The following AGPAT5 variants were observed in gnomAD, a reference collection of about 807,000 sequenced individuals.
AGPAT5 encodes 1-acyl-sn-glycerol-3-phosphate acyltransferase epsilon.
Under a neutral mutation model 45.6 loss-of-function variants are expected in AGPAT5, and 46 were observed. The observed-to-expected ratio is 1.01, with a 90% confidence interval of 0.80 to 1.29. The LOEUF (loss-of-function observed/expected upper bound fraction) is 1.29. Among genes scored for constraint, AGPAT5 ranks in the 50% most tolerant of loss-of-function variants. The pLI is 0.00. For synonymous variants in AGPAT5, 272 were observed against 167.0 expected (o/e 1.63, Z -4.85); for missense variants, 673 against 450.7 (o/e 1.49, Z -4.47).
chr8:6,723,738 T>A (rs1212206967), intron 1 of AGPAT5, among the ~76,000 whole-genome samples: 3 of 152,218 alleles, frequency 2.0e-5, no homozygotes, highest in African/African-American at 7.2e-5. Flanking sequence ...CTGTGCAGTT[T>A]CTAAGGAAAG....
At chr8:6,743,113 C>A (rs1801291042) in intron 5 of AGPAT5, among the ~76,000 whole-genome samples, 1 of 152,184 alleles carries the variant, frequency 6.6e-6, no homozygotes, top group African/African-American at 2.4e-5. Context: ...GGGCTGTTCT[C>A]CATTATCCTC....
intron 3 of AGPAT5, among the ~76,000 whole-genome samples, chr8:6,731,767 A>G (rs765813959): frequency 2.1e-4 from 32 of 152,160 alleles, no homozygotes; most frequent in Admixed American, 5.9e-4. Flanking sequence ...AGCAAACTGT[A>G]TATATAAAAC....
At position 6,740,014 on chromosome 8, in the gene AGPAT5, C is replaced by T. The variant is rs115220964; in HGVS notation, c.496-1647C>T. ...TAATGTATTTCTTTTCCTCACTTGT[C>T]CATGAAGGGAAGGACCATATGTGTT... On this transcript the variant is annotated intron_variant, in intron 4 of 7. Coordinates refer to ENST00000285518, the MANE Select transcript of AGPAT5 (RefSeq NM_018361.5). Among the ~76,000 whole-genome samples, 482 of 152,120 alleles carry T rather than the reference C, an allele frequency of 3.2e-3. 3 individuals carry two copies. Among genetic ancestry groups the T allele is most frequent in the African/African-American group, 0.011 (471 of 41,542 alleles).
At chr8:6,709,043 T>G in intron 1 of AGPAT5, 156 bp downstream of exon 1, 71 of 735,966 alleles carry the variant, frequency 9.6e-5, no homozygotes, top group Non-Finnish European at 1.2e-4. Context: ...CTCCGCATGC[T>G]TCCTGCCGTT....
intron 4 of AGPAT5, chr8:6,738,546 G>A (rs985761820): frequency 1.3e-5 from 2 of 152,162 alleles, no homozygotes; most frequent in African/African-American, 2.4e-5. Context: ...ACACAGAGAC[G>A]TGAGGTGAGC....
intron 1 of AGPAT5, among the ~76,000 whole-genome samples, chr8:6,715,862 G>A (rs551196024): frequency 3.8e-4 from 58 of 152,180 alleles, no homozygotes; most frequent in Non-Finnish European, 7.6e-4. Flanking sequence ...CTTTGAACAT[G>A]CGTAATTAAC....
Position 6,758,813 on chromosome 8 carries a change from C to T in AGPAT5, c.*1425C>T, listed in dbSNP as rs1801931894. ...GTTATAATTTAAACTTCGATTTCCT[C>T]ATAGTCCTTTAAGTTGACATTTCTG... is the stretch of plus-strand genomic sequence containing the variant. On this transcript the variant is annotated 3_prime_UTR_variant, in exon 8 of 8. Coordinates refer to ENST00000285518, the MANE Select transcript of AGPAT5 (RefSeq NM_018361.5). The T allele has an allele frequency of 6.6e-6, 1 of 152,650 alleles. No individual in the cohort carries two copies. The highest frequency in any genetic ancestry group is 2.4e-5 in the African/African-American group (1 of 41,456). The allele number at this position is 152,650 out of a possible 1,614,324, so 9.5% of individuals were successfully genotyped here.
intron 2 of AGPAT5, among the ~76,000 whole-genome samples, chr8:6,727,273 TCTCTAC>T: frequency 6.6e-6 from 1 of 152,312 alleles, no homozygotes; most frequent in South Asian, 2.1e-4. Context: ...CACATCCTTG[TCTCTAC>T]ATTCTGTCTC....
chr8:6,722,721 A>G (rs1213245630), intron 1 of AGPAT5, among the ~76,000 whole-genome samples: 2 of 152,230 alleles, frequency 1.3e-5, no homozygotes, highest in Non-Finnish European at 2.9e-5. Context: ...TGCAAGATAA[A>G]TAAGTTTTTT....
intron 2 of AGPAT5, among the ~76,000 whole-genome samples, chr8:6,729,149 T>A (rs1348202648): frequency 6.6e-6 from 1 of 152,212 alleles, no homozygotes; most frequent in Non-Finnish European, 1.5e-5. Flanking sequence ...TAATAATGGA[T>A]AAGAGATTTT....
Position 6,741,613 on chromosome 8 carries a change from A to G in AGPAT5, c.496-48A>G, listed in dbSNP as rs936440900. Reference sequence around the variant, plus strand: ...TAGCTTTTTTAGGTTAACAATAACAAAAACAAAGCTCACACAAAATAAACC... The same window carrying G: ...TAGCTTTTTTAGGTTAACAATAACAGAAACAAAGCTCACACAAAATAAACC... On this transcript the variant is annotated intron_variant, in intron 4 of 7. Coordinates refer to ENST00000285518, the MANE Select transcript of AGPAT5 (RefSeq NM_018361.5). 1.0e-5 allele frequency: 14 copies of G among 1,374,612 alleles called. No individual in the cohort carries two copies. In the East Asian group the frequency reaches 1.4e-4, roughly 14 times the overall value. 85.2% of individuals were successfully genotyped at this position (1,374,612 alleles called of 1,614,324 possible).
intron 1 of AGPAT5, among the ~76,000 whole-genome samples, chr8:6,724,611 A>C (rs923176268): frequency 6.6e-6 from 1 of 152,304 alleles, no homozygotes; most frequent in South Asian, 2.1e-4. Context: ...TTAGCAATCA[A>C]TGAATGCTTG....
rs371711407 is a variant in AGPAT5, at chr8:6,711,653, A to T, written c.219+2766A>T. On this transcript the variant is annotated intron_variant, in intron 1 of 7. Transcript: ENST00000285518. Reference sequence around the variant, plus strand: ...AAACTAAGCGGCTTAAAATAATAGAACTTAAGTTCTCGTGATTCTGGAGGC... The same window carrying T: ...AAACTAAGCGGCTTAAAATAATAGATCTTAAGTTCTCGTGATTCTGGAGGC... Among the ~76,000 whole-genome samples the T allele has an allele frequency of 2.0e-3, 305 of 152,276 alleles. 10 individuals are homozygous for T. In the South Asian group the frequency reaches 0.059, roughly 29 times the overall value.
intron 1 of AGPAT5, 149 bp from the exon 2 acceptor site, chr8:6,724,721 C>G (rs545258505): frequency 2.4e-4 from 73 of 305,238 alleles, no homozygotes; most frequent in African/African-American, 1.4e-3. Flanking sequence ...TATTTATGAT[C>G]TCTGAGGCTC....
chr8:6,757,030 A>G (rs1033838067), intron 7 of AGPAT5, 133 bp from the exon 8 acceptor site: 1 of 650,120 alleles, frequency 1.5e-6, no homozygotes, highest in Non-Finnish European at 2.7e-6. Context: ...AAGTTTCTGG[A>G]TGTTTCCGTA....
At chr8:6,720,569 A>G (rs182193867) in intron 1 of AGPAT5, among the ~76,000 whole-genome samples, 117 of 152,296 alleles carry the variant, frequency 7.7e-4, no homozygotes, top group Non-Finnish European at 6.0e-4. Flanking sequence ...AGTTCATCCT[A>G]TGGATGCTAC....
chr8:6,741,484 T>C (rs2936512), intron 4 of AGPAT5, among the ~76,000 whole-genome samples, 177 bp from the exon 5 acceptor site: 115,379 of 152,098 alleles, frequency 0.76, 44,906 homozygotes, highest in African/African-American at 0.93. Flanking sequence ...TATGTTCATA[T>C]TTAATTGTTG....
chr8:6,741,530 G>T, intron 4 of AGPAT5, 131 bp from the exon 5 acceptor site: 1 of 577,350 alleles, frequency 1.7e-6, no homozygotes, highest in Non-Finnish European at 3.0e-6. Flanking sequence ...AAGGTCACAT[G>T]TAAATAAATA....
At position 6,751,649 on chromosome 8, in the gene AGPAT5, T is replaced by C. The variant is rs183432926; in HGVS notation, c.746-3402T>C. Among the ~76,000 whole-genome samples, 125 of 152,332 alleles carry C rather than the reference T, an allele frequency of 8.2e-4. 2 individuals are homozygous for C. Among genetic ancestry groups the C allele is most frequent in the Admixed American group, 2.2e-3 (34 of 15,306 alleles). The stretch of plus-strand genomic sequence containing the variant: ...TGGGCATTCTCTCATGGTTCACTGC[T>C]TCTTGTAATCATGGAAGATGTCATT... On this transcript the variant is annotated intron_variant, in intron 6 of 7. Transcript: ENST00000285518.
Sources: allele counts gnomAD v4.1 joint callset (sites outside exome capture counted in the v4.1 genomes callset), GRCh38; gene constraint gnomAD v4.1.1; transcripts MANE v1.5; gene names NCBI Gene and HGNC (gene_info 2026-07-23, HGNC 2026-07-21).